The following CALN1 variants were observed in gnomAD, a reference collection of about 807,000 sequenced individuals.
CALN1 encodes the protein calneuron 1.
In CALN1, 17 loss-of-function variants were observed where a neutral mutation model predicts 30.6. The observed-to-expected ratio is 0.56, with a 90% CI of 0.38 to 0.83. The LOEUF is 0.83. CALN1 is among the 40% of genes least tolerant of loss of function. CALN1 has a pLI of 0.00. For missense variants in CALN1, 291 were observed against 354.9 expected (o/e 0.82, Z 1.45); for synonymous variants, 156 against 131.4 (o/e 1.19, Z -1.28).
intron 5 of CALN1, among the ~76,000 whole-genome samples, chr7:71,925,891 C>A (rs1005915921): frequency 1.3e-5 from 2 of 151,870 alleles, no homozygotes; most frequent in East Asian, 1.9e-4. Context: ...TCTCTCTCTG[C>A]GGCCCAGGCT....
At chr7:72,397,932 G>A (rs181145188) in intron 2 of CALN1, among the ~76,000 whole-genome samples, 1 of 152,204 alleles carries the variant, frequency 6.6e-6, no homozygotes, top group East Asian at 1.9e-4. Context: ...AGCATGCCAC[G>A]TGAGGTACAC....
At chr7:72,337,463 ACAGG>A (rs1585532237) in intron 2 of CALN1, 1 of 183,042 alleles carries the variant, frequency 5.5e-6, no homozygotes, top group African/African-American at 2.4e-5. Flanking sequence ...CACGGCACAC[ACAGG>A]CAGACACGCG....
chr7:72,388,173 CCT>C (rs754488708), intron 2 of CALN1, among the ~76,000 whole-genome samples: 20 of 152,108 alleles, frequency 1.3e-4, no homozygotes, highest in Admixed American at 3.3e-4. Flanking sequence ...TGCTAATTAC[CCT>C]GATTTGATCA....
chr7:72,377,424 G>A (rs1804624463), intron 2 of CALN1, among the ~76,000 whole-genome samples: 1 of 143,706 alleles, frequency 7.0e-6, no homozygotes, highest in African/African-American at 2.6e-5. Flanking sequence ...TGGGTAATAT[G>A]GGCCACACTT....
At chr7:71,993,972 T>A (rs1042383737) in intron 5 of CALN1, among the ~76,000 whole-genome samples, 1 of 152,206 alleles carries the variant, frequency 6.6e-6, no homozygotes. Flanking sequence ...AATTTAAATG[T>A]TGTGACCCCA....
intron 5 of CALN1, among the ~76,000 whole-genome samples, chr7:71,824,446 A>G (rs1788792849): frequency 6.6e-6 from 1 of 152,112 alleles, no homozygotes; most frequent in Non-Finnish European, 1.5e-5. Context: ...GGGGTGCCTG[A>G]GTCCCCAGTG....
chr7:71,984,961 G>A (rs763126618), intron 5 of CALN1, among the ~76,000 whole-genome samples: 1 of 152,094 alleles, frequency 6.6e-6, no homozygotes, highest in Non-Finnish European at 1.5e-5. Context: ...TCCTGGGGAC[G>A]TAGCAAGTTG....
chr7:72,372,238 G>C (rs898362330), intron 2 of CALN1, among the ~76,000 whole-genome samples: 3 of 152,062 alleles, frequency 2.0e-5, no homozygotes, highest in Non-Finnish European at 2.9e-5. Context: ...ATGGTGGTGG[G>C]GACAGTAGGA....
intron 3 of CALN1, among the ~76,000 whole-genome samples, chr7:72,125,150 T>C (rs1808656597): frequency 6.6e-6 from 1 of 152,098 alleles, no homozygotes; most frequent in African/African-American, 2.4e-5. Context: ...TGCCTCAGCG[T>C]CCTAAATACC....
intron 5 of CALN1, among the ~76,000 whole-genome samples, chr7:71,893,050 C>T (rs1793334763): frequency 1.3e-5 from 2 of 152,074 alleles, no homozygotes; most frequent in South Asian, 4.1e-4. Context: ...TAACTCCTTT[C>T]TTTCATTTTC....
the CALN1 span, among the ~76,000 whole-genome samples, chr7:72,470,915 T>C: frequency 2.0e-5 from 3 of 152,166 alleles, no homozygotes; most frequent in South Asian, 2.1e-4. Flanking sequence ...AGCAAGACAG[T>C]TGACCCCCAC....
At chr7:72,430,923 C>G (rs1380320889) in intron 1 of CALN1, among the ~76,000 whole-genome samples, 1 of 151,246 alleles carries the variant, frequency 6.6e-6, no homozygotes, top group Non-Finnish European at 1.5e-5. Context: ...CCAGTGCTCA[C>G]AGTGTTGGGA....
At chr7:72,223,775 A>G (rs1793476714) in intron 3 of CALN1, among the ~76,000 whole-genome samples, 1 of 152,234 alleles carries the variant, frequency 6.6e-6, no homozygotes, top group South Asian at 2.1e-4. Flanking sequence ...TGGATTGGGT[A>G]AAGAAAATGT....
intron 3 of CALN1, among the ~76,000 whole-genome samples, chr7:72,220,031 A>G (rs77424091): frequency 7.0e-6 from 1 of 143,524 alleles, no homozygotes; most frequent in African/African-American, 2.6e-5. Flanking sequence ...TTTTTTTTTT[A>G]TAATTTTTTT....
intron 5 of CALN1, among the ~76,000 whole-genome samples, chr7:71,918,090 G>A (rs1584507925): frequency 6.6e-6 from 1 of 152,154 alleles, no homozygotes; most frequent in Non-Finnish European, 1.5e-5. Flanking sequence ...TTGCCTAGAA[G>A]ATAGGAATTG....
At chr7:72,012,690 G>C (rs1800151182) in intron 5 of CALN1, among the ~76,000 whole-genome samples, 1 of 152,220 alleles carries the variant, frequency 6.6e-6, no homozygotes, top group Admixed American at 6.5e-5. Flanking sequence ...CTGCAGCAGA[G>C]GGTCATACAG....
intron 5 of CALN1, among the ~76,000 whole-genome samples, chr7:71,903,890 C>A (rs182270830): frequency 6.6e-6 from 1 of 151,854 alleles, no homozygotes; most frequent in Admixed American, 6.6e-5. Flanking sequence ...GGCAAAAGAC[C>A]TGAATAGATG....
intron 5 of CALN1, among the ~76,000 whole-genome samples, chr7:71,952,036 G>A (rs1584593525): frequency 6.6e-6 from 1 of 152,090 alleles, no homozygotes; most frequent in Non-Finnish European, 1.5e-5. Flanking sequence ...GAACCAGGCA[G>A]GACCACCCCA....
chr7:72,046,812 G>A (rs1034681142), intron 4 of CALN1, among the ~76,000 whole-genome samples: 9 of 150,324 alleles, frequency 6.0e-5, no homozygotes, highest in African/African-American at 2.2e-4. Flanking sequence ...AGAATTGCAT[G>A]AGCCCAGGAG....
Sources: allele counts gnomAD v4.1 joint callset (sites outside exome capture counted in the v4.1 genomes callset), GRCh38; gene constraint gnomAD v4.1.1; transcripts MANE v1.5; gene names NCBI Gene and HGNC (gene_info 2026-07-23, HGNC 2026-07-21).